POU2F1: variants seen among roughly 807,000 people sequenced by gnomAD.
POU2F1 encodes POU class 2 homeobox 1, also known as POU domain, class 2, transcription factor 1.
In POU2F1, 16 loss-of-function variants were observed where a neutral mutation model predicts 84.9. That is an observed-to-expected ratio of 0.19 (90% CI 0.13 to 0.29). The LOEUF (loss-of-function observed/expected upper bound fraction) is 0.29, where lower values mean the gene tolerates loss of function less well. Among genes scored for constraint, POU2F1 ranks in the 10% least tolerant of loss-of-function variants. POU2F1 has a pLI of 1.00. For missense variants in POU2F1, 738 were observed against 942.6 expected (o/e 0.78, Z 2.84); for synonymous variants, 368 against 368.3 (o/e 1.00, Z 0.01).
chr1:167,355,688 A>AT (rs924721518), intron 2 of POU2F1, among the ~76,000 whole-genome samples: 19 of 151,730 alleles, frequency 1.3e-4, no homozygotes, highest in African/African-American at 3.6e-4. Context: ...TTTAATTACT[A>AT]TTTTTTTTCA....
In POU2F1 at chr1:167,410,587, C is replaced by T. The variant is rs560974732; in HGVS notation, c.1556-1372C>T. ...CTGGAGTGTAATGGCGTCATCTCGG[C>T]TCACTGCAACCTCCACCTCTTGGGC... On this transcript the variant is annotated intron_variant, in intron 13 of 15. Coordinates refer to ENST00000367866, the MANE Select transcript of POU2F1 (RefSeq NM_002697.4). 2.6e-5 allele frequency among the ~76,000 whole-genome samples: 4 copies of T among 152,170 alleles called. No individual in the cohort carries two copies. The South Asian group carries it at 8.3e-4, about 32-fold the overall frequency.
chr1:167,398,181 CT>C, intron 11 of POU2F1, 48 bp downstream of exon 11: 1 of 1,590,238 alleles, frequency 6.3e-7, no homozygotes, highest in Non-Finnish European at 8.6e-7. Context: ...CTGTGTAGTA[CT>C]TAACATTAGT....
intron 2 of POU2F1, among the ~76,000 whole-genome samples, chr1:167,350,789 G>A (rs184939977): frequency 4.6e-5 from 7 of 151,874 alleles, no homozygotes; most frequent in East Asian, 1.9e-4. Flanking sequence ...ACCTGAGGTC[G>A]GGAGTTCGAG....
intron 1 of POU2F1, among the ~76,000 whole-genome samples, chr1:167,314,707 G>C (rs1655754193): frequency 6.6e-6 from 1 of 152,176 alleles, no homozygotes; most frequent in Non-Finnish European, 1.5e-5. Flanking sequence ...TCAGGAGGTT[G>C]AGGCTGTAGT....
At chr1:167,338,399 T>G (rs545284017) in intron 2 of POU2F1, 47 of 356,094 alleles carry the variant, frequency 1.3e-4, no homozygotes, top group Non-Finnish European at 2.5e-4. Context: ...GCTATTAGTA[T>G]TTGAGTTTTG....
At chr1:167,273,166 C>T (rs888964908) in intron 1 of POU2F1, among the ~76,000 whole-genome samples, 10 of 152,214 alleles carry the variant, frequency 6.6e-5, no homozygotes, top group African/African-American at 2.4e-4. Context: ...AGCACTGATG[C>T]AAGGGGTGGT....
At chr1:167,307,098 AT>A (rs1459883698) in intron 1 of POU2F1, among the ~76,000 whole-genome samples, 3 of 152,132 alleles carry the variant, frequency 2.0e-5, no homozygotes, top group African/African-American at 4.8e-5. Context: ...GTCTGGGGAG[AT>A]TTTATTTTAA....
At chr1:167,411,205 A>G (rs1649941557) in intron 13 of POU2F1, among the ~76,000 whole-genome samples, 3 of 152,004 alleles carry the variant, frequency 2.0e-5, no homozygotes, top group African/African-American at 7.2e-5. Flanking sequence ...ACGCCCAGCT[A>G]ATTTTTGTAT....
chr1:167,404,266 TTGTC>T (rs1307903012), intron 13 of POU2F1, among the ~76,000 whole-genome samples: 3 of 152,280 alleles, frequency 2.0e-5, no homozygotes, highest in Non-Finnish European at 2.9e-5. Flanking sequence ...GCTTTTTTCA[TTGTC>T]TGGTGATTTT....
intron 8 of POU2F1, among the ~76,000 whole-genome samples, chr1:167,388,555 A>G (rs1648154776): frequency 6.6e-6 from 1 of 152,238 alleles, no homozygotes. Context: ...TGGTTAAGTA[A>G]ATTATGAGAA....
intron 1 of POU2F1, among the ~76,000 whole-genome samples, chr1:167,272,520 G>A (rs1483220642): frequency 6.6e-6 from 1 of 152,076 alleles, no homozygotes. Flanking sequence ...GGCTGTACAA[G>A]CGTGGTGGGG....
chr1:167,389,740 A>G lies in POU2F1; in HGVS notation c.966A>G (p.Arg322=), dbSNP rs749965919. Residue 322 remains arginine (R), a synonymous_variant, in exon 9 of 16, where the codon CGA becomes CGG. Coordinates refer to ENST00000367866, the MANE Select transcript of POU2F1 (RefSeq NM_002697.4). The part of the protein sequence containing the change: ...EQFAKTFKQR[R]IKLGFTQGDV... The stretch of plus-strand genomic sequence containing the variant: ...TTGCCAAGACCTTCAAACAAAGACG[A>G]ATCAAACTTGGATTCACTCAGGTAG... The G allele has an allele frequency of 6.2e-7, 1 of 1,613,802 alleles. No individual in the cohort carries two copies. The highest frequency in any genetic ancestry group is 1.3e-5 in the African/African-American group (1 of 75,036).
chr1:167,411,903 C>A, intron 13 of POU2F1, 56 bp from the exon 14 acceptor site: 1 of 1,501,628 alleles, frequency 6.7e-7, no homozygotes. Context: ...AGTAAAGCCA[C>A]CATTCTTCCA....
chr1:167,423,009 A>G lies in POU2F1; in HGVS notation c.*7199A>G, dbSNP rs1650734727. Reference sequence around the variant, plus strand: ...AGTGATGTTCTTGGAATTGCTGAGAAATTTGGGGAGGGCAAAAGATAGGGG... The same window carrying G: ...AGTGATGTTCTTGGAATTGCTGAGAGATTTGGGGAGGGCAAAAGATAGGGG... On this transcript the variant is annotated 3_prime_UTR_variant, in exon 16 of 16. Coordinates refer to ENST00000367866, the MANE Select transcript of POU2F1 (RefSeq NM_002697.4). 1 of 152,168 alleles carries G rather than the reference A, an allele frequency of 6.6e-6. No individual in the cohort carries two copies. Among genetic ancestry groups the G allele is most frequent in the Non-Finnish European group, 1.5e-5 (1 of 68,018 alleles). The allele number at this position is 152,168 out of a possible 1,614,324, so 9.4% of individuals were successfully genotyped here. A position where few individuals can be genotyped will look rare whatever the true frequency, so the allele number is the denominator to read the frequency against.
At chr1:167,328,262 T>G (rs1656839069) in intron 1 of POU2F1, among the ~76,000 whole-genome samples, 1 of 152,208 alleles carries the variant, frequency 6.6e-6, no homozygotes, top group Non-Finnish European at 1.5e-5. Context: ...TCTGTTAATT[T>G]GGTAATATAA....
intron 1 of POU2F1, among the ~76,000 whole-genome samples, chr1:167,268,356 A>T (rs1007725229): frequency 6.6e-6 from 1 of 152,120 alleles, no homozygotes; most frequent in Non-Finnish European, 1.5e-5. Flanking sequence ...TAATTTTTTC[A>T]AATTAATTCT....
rs749797079 is a variant in POU2F1, at chr1:167,399,373, T to C, written c.1449+8T>C. The C allele has an allele frequency of 8.7e-6, 14 of 1,603,282 alleles. No homozygotes were observed. In the South Asian group the frequency reaches 1.3e-4, roughly 15 times the overall value. ...CCCAGCCCAACTTCACTGGTAAGAATAAAAAATAGGGAGTGCAAGCTCAAG... is the reference window on the plus strand; with the variant it reads ...CCCAGCCCAACTTCACTGGTAAGAACAAAAAATAGGGAGTGCAAGCTCAAG... On this transcript the variant is annotated splice_region_variant and intron_variant, in intron 12 of 15. Coordinates refer to ENST00000367866, the MANE Select transcript of POU2F1 (RefSeq NM_002697.4).
intron 7 of POU2F1, among the ~76,000 whole-genome samples, chr1:167,382,307 C>G (rs1647625685): frequency 6.6e-6 from 1 of 152,138 alleles, no homozygotes; most frequent in African/African-American, 2.4e-5. Context: ...GAATTGGGAA[C>G]TGGTGAGGAA....
At chr1:167,384,984 G>A (rs949837650) in intron 8 of POU2F1, among the ~76,000 whole-genome samples, 2 of 152,004 alleles carry the variant, frequency 1.3e-5, no homozygotes, top group Admixed American at 6.6e-5. Flanking sequence ...AAAGCTACTG[G>A]AATAAGTGAG....
Sources: allele counts gnomAD v4.1 joint callset (sites outside exome capture counted in the v4.1 genomes callset), GRCh38; gene constraint gnomAD v4.1.1; transcripts MANE v1.5; gene names NCBI Gene and HGNC (gene_info 2026-07-23, HGNC 2026-07-21).